Variants in HDGF observed in about 807,000 individuals in gnomAD.
HDGF encodes heparin binding growth factor, also known as hepatoma-derived growth factor.
A neutral mutation model predicts 30.0 loss-of-function variants in HDGF; 5 were observed. The ratio of observed to expected loss-of-function variants is 0.17; its 90% confidence interval spans 0.09 to 0.35. The LOEUF (loss-of-function observed/expected upper bound fraction) is 0.35. Among genes scored for constraint, HDGF ranks in the 10% least tolerant of loss-of-function variants. The pLI, the probability that HDGF is intolerant of heterozygous loss-of-function variation, is 1.00. For synonymous variants in HDGF, 133 were observed against 112.7 expected, an observed-to-expected ratio of 1.18 and a Z score of -1.14; for missense variants, 214 against 302.8, an observed-to-expected ratio of 0.71 and a Z score of 2.18.
chr1:156,763,461 G>A (rs542399114), intron 1 of HDGF, among the ~76,000 whole-genome samples: 4 of 151,946 alleles, frequency 2.6e-5, no homozygotes, highest in South Asian at 4.2e-4. Flanking sequence ...GGATCCACCC[G>A]CCTCAGCCTC....
Position 156,764,570 on chromosome 1 carries a change from T to A in HDGF, n.136+2220A>T, listed in dbSNP as rs758537634. Among the ~76,000 whole-genome samples, 276 of 152,354 alleles carry A rather than the reference T, an allele frequency of 1.8e-3. 1 individual carries two copies. Among genetic ancestry groups the A allele is most frequent in the Non-Finnish European group, 3.4e-3 (228 of 68,030 alleles). ...ATAAATCCCCTTTCCTTCACTTTCA[T>A]GAAGTTTCTATTATCAATTTCTTGC... On this transcript the variant is annotated intron_variant and non_coding_transcript_variant, in intron 1 of 7. Transcript: ENST00000465180.
chr1:156,765,521 C>T (rs1651343592), intron 1 of HDGF, among the ~76,000 whole-genome samples: 1 of 114,834 alleles, frequency 8.7e-6, no homozygotes, highest in Non-Finnish European at 1.6e-5. Flanking sequence ...CTTGCCTGGG[C>T]TGGAATGCAG....
chr1:156,749,953 G>A (rs1240112690), intron 1 of HDGF, among the ~76,000 whole-genome samples: 2 of 152,226 alleles, frequency 1.3e-5, no homozygotes, highest in Non-Finnish European at 2.9e-5. Context: ...AAGTACAGGA[G>A]AGTTGTAACG....
Position 156,751,319 on chromosome 1 carries a change from G to T in HDGF, c.87+24C>A, listed in dbSNP as rs747242740. On this transcript the variant is annotated intron_variant, in intron 1 of 5. Transcript: ENST00000357325. This position sits in a 1 kb window ranked among gnomAD's most constrained non-coding sequence, Gnocchi z 4.7. Reference sequence around the variant, plus strand: ...GCAACCCAAGCCCGCAGGGGGTTAGGGGGCGGCGGGCCGCGCTGCTCACCC... The same window carrying T: ...GCAACCCAAGCCCGCAGGGGGTTAGTGGGCGGCGGGCCGCGCTGCTCACCC... 5 of 1,603,834 alleles carry T rather than the reference G, an allele frequency of 3.1e-6. No homozygotes were observed. The Admixed American group carries it at 6.7e-5, about 22-fold the overall frequency.
chr1:156,762,027 A>C (rs1651258241), intron 1 of HDGF, among the ~76,000 whole-genome samples: 1 of 151,930 alleles, frequency 6.6e-6, no homozygotes, highest in African/African-American at 2.4e-5. Context: ...GTAAGGTCCC[A>C]GCTACTCCTG....
intron 1 of HDGF, among the ~76,000 whole-genome samples, chr1:156,763,399 A>G (rs1409441317): frequency 6.6e-6 from 1 of 150,598 alleles, no homozygotes; most frequent in Non-Finnish European, 1.5e-5. Context: ...TATTTTTAGT[A>G]GAGACAGGGT....
intron 1 of HDGF, among the ~76,000 whole-genome samples, chr1:156,750,117 G>T (rs1315375930): frequency 6.6e-6 from 1 of 152,192 alleles, no homozygotes; most frequent in African/African-American, 2.4e-5. Flanking sequence ...GGGTCTCTGA[G>T]TTTTCTGAGT....
chr1:156,746,284 C>G (rs1345173240), intron 1 of HDGF, among the ~76,000 whole-genome samples: 7 of 150,794 alleles, frequency 4.6e-5, no homozygotes. Flanking sequence ...CTGCTTTTAT[C>G]TGCAGCACGG....
At chr1:156,749,710 A>G (rs1650834142) in intron 1 of HDGF, among the ~76,000 whole-genome samples, 1 of 152,186 alleles carries the variant, frequency 6.6e-6, no homozygotes, top group Admixed American at 6.5e-5. Context: ...CACAGGGGCC[A>G]GTGTGGGTCC....
intron 1 of HDGF, among the ~76,000 whole-genome samples, chr1:156,759,666 G>C (rs1327606760): frequency 6.6e-6 from 1 of 152,076 alleles, no homozygotes; most frequent in East Asian, 1.9e-4. Flanking sequence ...ATTTTTAGTA[G>C]AGATGGGGTT....
chr1:156,754,203 C>T (rs773523304), upstream of HDGF, among the ~76,000 whole-genome samples: 5 of 152,226 alleles, frequency 3.3e-5, no homozygotes, highest in Admixed American at 6.5e-5. Flanking sequence ...CGTGAGCAAC[C>T]GCGCCCGGCC....
intron 1 of HDGF, among the ~76,000 whole-genome samples, chr1:156,764,181 G>A (rs1276970795): frequency 6.6e-6 from 1 of 151,980 alleles, no homozygotes; most frequent in Non-Finnish European, 1.5e-5. Flanking sequence ...GCCTCCTTAA[G>A]TGCTGGGATT....
chr1:156,751,378 C>T lies in HDGF; in HGVS notation c.52G>A (p.Ala18Thr). The change falls in exon 1 of 6, where the codon GCC (alanine) becomes ACC (threonine). Residue 18 changes from alanine to threonine, a missense_variant. Physicochemically the swap from Ala to Thr is moderately conservative, Grantham distance 58 (BLOSUM62 0). Coordinates refer to ENST00000357325, the MANE Select transcript of HDGF (RefSeq NM_004494.3). This position sits in a 1 kb window ranked among gnomAD's most constrained non-coding sequence, Gnocchi z 4.7. The part of the protein sequence containing the change: ...KEYKCGDLVF[A>T]KMKGYPHWPA... ...CAGTGTGGGTAGCCCTTCATCTTGGCGAACACCAGGTCCCCGCATTTGTAC... is the reference window on the plus strand; with the variant it reads ...CAGTGTGGGTAGCCCTTCATCTTGGTGAACACCAGGTCCCCGCATTTGTAC... The T allele has an allele frequency of 6.2e-7, 1 of 1,609,848 alleles. No homozygotes were observed. The highest frequency in any genetic ancestry group is 8.5e-7 in the Non-Finnish European group (1 of 1,177,906).
rs1650957116 is a variant in HDGF, at chr1:156,751,234, G to A, written c.87+109C>T. ...CAGAGAAAGAGCCGGAGACCTACAA[G>A]CCCCCTGCCCCCACCTCTGCCCGCT... On this transcript the variant is annotated intron_variant, in intron 1 of 5. Transcript: ENST00000357325. This position sits in a 1 kb window ranked among gnomAD's most constrained non-coding sequence, Gnocchi z 4.7. 7.6e-7 allele frequency: 1 copy of A among 1,309,412 alleles called. No individual in the cohort carries two copies. 81.1% of individuals were successfully genotyped at this position (1,309,412 alleles called of 1,614,324 possible). A position where few individuals can be genotyped will look rare whatever the true frequency, so the allele number is the denominator to read the frequency against.
At chr1:156,755,923 G>A (rs921708720), upstream of HDGF, among the ~76,000 whole-genome samples, 1 of 152,148 alleles carries the variant, frequency 6.6e-6, no homozygotes, top group African/African-American at 2.4e-5. Flanking sequence ...CCAGAAAACG[G>A]GGTTGTGATT....
chr1:156,761,895 C>T (rs961026889), intron 1 of HDGF, among the ~76,000 whole-genome samples: 8 of 139,928 alleles, frequency 5.7e-5, no homozygotes, highest in African/African-American at 1.1e-4. Flanking sequence ...TGCAGTGAGA[C>T]GAAATTGCGC....
upstream of HDGF, among the ~76,000 whole-genome samples, chr1:156,753,335 T>C (rs972031851): frequency 3.9e-5 from 6 of 152,172 alleles, no homozygotes; most frequent in Admixed American, 2.6e-4. Context: ...TTTGTTTCCA[T>C]AGCAAATTCA....
intron 1 of HDGF, chr1:156,750,464 G>C (rs1041746003): frequency 6.6e-6 from 1 of 152,438 alleles, no homozygotes; most frequent in African/African-American, 2.4e-5. Context: ...CACCTGGCCA[G>C]GTGCTGGGGT....
At position 156,765,185 on chromosome 1, in the gene HDGF, C is replaced by T. The variant is rs1345044027; in HGVS notation, n.136+1605G>A. 6.0e-5 allele frequency among the ~76,000 whole-genome samples: 9 copies of T among 151,094 alleles called. No individual in the cohort carries two copies. The South Asian group carries it at 8.4e-4, about 14-fold the overall frequency. On this transcript the variant is annotated intron_variant and non_coding_transcript_variant, in intron 1 of 7. Coordinates refer to the HDGF transcript ENST00000465180. ...TTGGCTCACCACAACCTCCGCCTCC[C>T]GGGTTCAAGCGATTCTCCTGCCTCA... is the stretch of plus-strand genomic sequence containing the variant.
Sources: allele counts gnomAD v4.1 joint callset (sites outside exome capture counted in the v4.1 genomes callset), GRCh38; gene constraint gnomAD v4.1.1; non-coding constraint Gnocchi (gnomAD v3.1); transcripts MANE v1.5; gene names NCBI Gene and HGNC (gene_info 2026-07-23, HGNC 2026-07-21).